SCN4A: variants seen among roughly 807,000 people sequenced by gnomAD.
SCN4A encodes the protein sodium channel protein type 4 subunit alpha.
A neutral mutation model predicts 162.0 loss-of-function variants in SCN4A; 83 were observed. That is an observed-to-expected ratio of 0.51 (90% confidence interval 0.43 to 0.61). The LOEUF is 0.61. Ranked by LOEUF, SCN4A falls within the 20% of genes least tolerant of loss-of-function variation. The pLI, the probability that SCN4A is intolerant of heterozygous loss-of-function variation, is 0.00. For synonymous variants in SCN4A, 944 were observed against 985.1 expected, an observed-to-expected ratio of 0.96 and a Z score of 0.78; for missense variants, 2,196 against 2,462.5, an observed-to-expected ratio of 0.89 and a Z score of 2.29.
Position 63,951,679 on chromosome 17 carries a change from C to G in SCN4A, c.2598G>C (p.Glu866Asp). ...LSLGEADGAG[E>D]AGEAGETAPE... ...GGGCAGTCTCCCCCGCCTCTCCAGC[C>G]TCCCCGGCCCCGTCAGCCTCCCCGA... Residue 866 changes from glutamate to aspartate, a missense_variant, in exon 14 of 24, where the codon GAG (glutamate) becomes GAC (aspartate). Physicochemically the swap from Glu to Asp is conservative, Grantham distance 45. Coordinates refer to ENST00000435607, the MANE Select transcript of SCN4A (RefSeq NM_000334.4). The surrounding 1 kb of genome is among the most constrained non-coding windows in gnomAD (Gnocchi z 4.5). 6.2e-7 allele frequency: 1 copy of G among 1,604,866 alleles called. No individual in the cohort carries two copies. Among genetic ancestry groups the G allele is most frequent in the Non-Finnish European group, 8.5e-7 (1 of 1,175,456 alleles).
intron 17 of SCN4A, 131 bp from the exon 18 acceptor site, chr17:63,947,298 C>T (rs1263995436): frequency 1.7e-6 from 2 of 1,173,858 alleles, no homozygotes; most frequent in Non-Finnish European, 2.5e-6. Flanking sequence ...GTGGGTGGTC[C>T]TGTCCGGTGG....
In SCN4A at chr17:63,941,216, C is replaced by T; in HGVS notation, c.5066G>A (p.Gly1689Asp). ...GAGGGCGTCCATTTCCCCAGAGTCA[C>T]CCAGGACCTCTTTGGTCAGGGCAAA... ...ILFALTKEVL[G>D]DSGEMDALKQ... The change falls in exon 24 of 24, where the codon GGT becomes GAT. Residue 1689 changes from glycine (G) to aspartate (D), a missense_variant. Physicochemically the swap from Gly to Asp is moderately conservative, Grantham distance 94. Coordinates refer to ENST00000435607, the MANE Select transcript of SCN4A (RefSeq NM_000334.4). The surrounding 1 kb of genome is among the most constrained non-coding windows in gnomAD (Gnocchi z 6.2). The T allele has an allele frequency of 6.2e-7, 1 of 1,613,812 alleles. No individual in the cohort carries two copies. The highest frequency in any genetic ancestry group is 8.5e-7 in the Non-Finnish European group (1 of 1,179,838).
chr17:63,967,149 GC>G (rs1442920642), intron 6 of SCN4A, among the ~76,000 whole-genome samples: 2 of 151,790 alleles, frequency 1.3e-5, no homozygotes, highest in African/African-American at 4.8e-5. Context: ...CATAGTGAGA[GC>G]TTTAGGATTT....
At position 63,941,930 on chromosome 17, in the gene SCN4A, C is replaced by T. The variant is rs748517635; in HGVS notation, c.4352G>A (p.Arg1451His). The stretch of plus-strand genomic sequence containing the variant: ...CAGGACACGCCCAATCCGCGCCAGG[C>T]GGATCACACGGAACAGCGTGGGTGA... Reference protein sequence around the residue: ...FVSPTLFRVIRLARIGRVLRL... With the variant: ...FVSPTLFRVIHLARIGRVLRL... The change falls in exon 24 of 24, where the codon CGC (arginine) becomes CAC (histidine). Residue 1451 changes from arginine (R) to histidine (H), a missense_variant. Coordinates refer to ENST00000435607, the MANE Select transcript of SCN4A (RefSeq NM_000334.4). This position sits in a 1 kb window ranked among gnomAD's most constrained non-coding sequence, Gnocchi z 6.2. 1.2e-6 allele frequency: 2 copies of T among 1,608,578 alleles called. No homozygotes were observed. The highest frequency in any genetic ancestry group is 1.1e-5 in the South Asian group (1 of 90,858).
In SCN4A at chr17:63,941,725, G is replaced by C. The variant is rs931435454; in HGVS notation, c.4557C>G (p.Phe1519Leu). Residue 1519 changes from phenylalanine (F) to leucine (L), a missense_variant, in exon 24 of 24, where the codon TTC becomes TTG. Transcript: ENST00000435607. The surrounding 1 kb of genome is among the most constrained non-coding windows in gnomAD (Gnocchi z 6.2). ...AGATGATGCTGTTGCCGAAGGTCTC[G>C]AAGTTGAACATATCATCGATGCCCG... Reference protein sequence around the residue: ...KESGIDDMFNFETFGNSIICL... With the variant: ...KESGIDDMFNLETFGNSIICL... 1.2e-6 allele frequency: 2 copies of C among 1,614,152 alleles called. No homozygotes were observed.
intron 18 of SCN4A, 36 bp downstream of exon 18, chr17:63,947,009 T>G: frequency 1.4e-6 from 1 of 716,374 alleles, no homozygotes; most frequent in Non-Finnish European, 2.4e-6. Flanking sequence ...CGGTCCCCCA[T>G]CCCCAGCCCA....
rs1188813600 is a variant in SCN4A, at chr17:63,944,403, C to T, written c.3912+270G>A. Among the ~76,000 whole-genome samples, 3 of 152,178 alleles carry T rather than the reference C, an allele frequency of 2.0e-5. No individual in the cohort carries two copies. The highest frequency in any genetic ancestry group is 3.2e-3 in the Middle Eastern group (1 of 316). On this transcript the variant is annotated intron_variant, in intron 21 of 23. Coordinates refer to ENST00000435607, the MANE Select transcript of SCN4A (RefSeq NM_000334.4). This position sits in a 1 kb window ranked among gnomAD's most constrained non-coding sequence, Gnocchi z 4.3. ...ACTCCTGACCTTGTGATCCGCCCGC[C>T]TCGGCCTCCCAAAGTGCTGGGATTA...
rs1210921363 is a variant in SCN4A at position 63,947,979 on chromosome 17, T to C, written c.3229A>G (p.Ile1077Val). ...ACCCATTTGAGCAGCATCTCCATGA[T>C]GAAGATGTAGGTGAAGACCTTGTCG... is the stretch of plus-strand genomic sequence containing the variant. ...YADKVFTYIF[I>V]MEMLLKWVAY... Residue 1077 changes from isoleucine to valine, a missense_variant, in exon 17 of 24, where the codon ATC (isoleucine) becomes GTC (valine). By Grantham distance (29) the Ile-to-Val change is conservative. Transcript: ENST00000435607. 1 of 1,614,012 alleles carries C rather than the reference T, an allele frequency of 6.2e-7. No individual in the cohort carries two copies. The highest frequency in any genetic ancestry group is 8.5e-7 in the Non-Finnish European group (1 of 1,179,914).
intron 13 of SCN4A, among the ~76,000 whole-genome samples, chr17:63,956,000 C>T (rs1038549432): frequency 6.6e-6 from 1 of 152,228 alleles, no homozygotes; most frequent in Admixed American, 6.5e-5. Flanking sequence ...CTGGGCACAG[C>T]ACTGCAGGGC....
rs777130479 is a variant in SCN4A at position 63,971,797 on chromosome 17, C to T, written c.536G>A (p.Arg179Gln). 27 of 1,613,456 alleles carry T rather than the reference C, an allele frequency of 1.7e-5. No individual in the cohort carries two copies. Among genetic ancestry groups the T allele is most frequent in the Admixed American group, 3.3e-5 (2 of 59,928 alleles). ...TFESLIKILA[R>Q]GFCVDDFTFL... ...TGTGAAGTCGTCGACACAGAAGCCT[C>T]GGGCCAGTATCTTGATGAGGGACTC... The change falls in exon 4 of 24, where the codon CGA (arginine) becomes CAA (glutamine). Residue 179 changes from arginine (R) to glutamine (Q), a missense_variant. Transcript: ENST00000435607.
chr17:63,951,930 A>T lies in SCN4A; in HGVS notation c.2377-30T>A, dbSNP rs908025517. ...GGCATGGGGTCAGGGGGAGCCTCAC[A>T]TCAGTCCCCGGGACCCAGAGGGTGC... On this transcript the variant is annotated intron_variant, in intron 13 of 23. Coordinates refer to ENST00000435607, the MANE Select transcript of SCN4A (RefSeq NM_000334.4). The surrounding 1 kb of genome is among the most constrained non-coding windows in gnomAD (Gnocchi z 4.5). 28 of 1,421,066 alleles carry T rather than the reference A, an allele frequency of 2.0e-5. No homozygotes were observed. Among genetic ancestry groups the T allele is most frequent in the Non-Finnish European group, 2.3e-5 (24 of 1,059,248 alleles). The allele number at this position is 1,421,066 out of a possible 1,614,324, so 88.0% of individuals were successfully genotyped here. A position where few individuals can be genotyped will look rare whatever the true frequency, so the allele number is the denominator to read the frequency against.
rs370289618 is a variant in SCN4A, at chr17:63,968,218, C to T, written c.841G>A (p.Val281Met). The T allele has an allele frequency of 1.5e-5, 24 of 1,614,048 alleles. No individual in the cohort carries two copies. Among genetic ancestry groups the T allele is most frequent in the Admixed American group, 1.0e-4 (6 of 60,030 alleles). The change falls in exon 6 of 24, where the codon GTG becomes ATG. Residue 281 changes from valine (V) to methionine (M), a missense_variant. Val to Met is a conservative substitution (Grantham distance 21). Transcript: ENST00000435607. ...TCGTTGAACGGCGGGGGCCAGCGCA[C>T]ACACTTCTGCCTCAGGTTTCCCATG... The part of the protein sequence containing the change: ...LFMGNLRQKC[V>M]RWPPPFNDTN...
At chr17:63,959,795 T>A (rs1384401119) in intron 11 of SCN4A, among the ~76,000 whole-genome samples, 1 of 152,168 alleles carries the variant, frequency 6.6e-6, no homozygotes, top group East Asian at 1.9e-4. Flanking sequence ...TCCTGATCTC[T>A]ACAATGTTGG....
At position 63,968,214 on chromosome 17, in the gene SCN4A, C is replaced by A. The variant is rs200615763; in HGVS notation, c.845G>T (p.Arg282Leu). The change falls in exon 6 of 24, where the codon CGC becomes CTC. Residue 282 changes from arginine to leucine, a missense_variant. Coordinates refer to ENST00000435607, the MANE Select transcript of SCN4A (RefSeq NM_000334.4). ...FMGNLRQKCV[R>L]WPPPFNDTNT... ...GGTGTCGTTGAACGGCGGGGGCCAG[C>A]GCACACACTTCTGCCTCAGGTTTCC... is the stretch of plus-strand genomic sequence containing the variant. The A allele has an allele frequency of 6.2e-7, 1 of 1,613,884 alleles. No homozygotes were observed. The highest frequency in any genetic ancestry group is 8.5e-7 in the Non-Finnish European group (1 of 1,179,900).
At position 63,953,693 on chromosome 17, in the gene SCN4A, A is replaced by G. The variant is rs563320494; in HGVS notation, c.2377-1793T>C. Among the ~76,000 whole-genome samples, 592 of 151,854 alleles carry G rather than the reference A, an allele frequency of 3.9e-3. 8 individuals are homozygous for G. The highest frequency in any genetic ancestry group is 0.013 in the African/African-American group (556 of 41,346). ...CGAGACCCTGCCTTGAAGAAAAAAA[A>G]AAAAAGAAAAAGAAAAAGAAAGAAA... On this transcript the variant is annotated intron_variant, in intron 13 of 23. Coordinates refer to ENST00000435607, the MANE Select transcript of SCN4A (RefSeq NM_000334.4).
rs775422294 is a variant in SCN4A, at chr17:63,963,793, C to T, written c.1485G>A (p.Glu495=). Residue 495 remains glutamate, a synonymous_variant, in exon 10 of 24, where the codon GAG becomes GAA. Transcript: ENST00000435607. ...AKAAQALEGG[E]ADGDPAHGKD... is the part of the protein sequence containing the mutation. ...TGCCATGGGCTGGGTCCCCATCTGCCTCCCCACCTTCCAGAGCTTGGGCGG... is the reference window on the plus strand; with the variant it reads ...TGCCATGGGCTGGGTCCCCATCTGCTTCCCCACCTTCCAGAGCTTGGGCGG... 10 of 1,606,408 alleles carry T rather than the reference C, an allele frequency of 6.2e-6. No individual in the cohort carries two copies. The East Asian group carries it at 1.6e-4, about 25-fold the overall frequency.
intron 6 of SCN4A, 137 bp from the exon 7 acceptor site, chr17:63,966,681 C>A: frequency 1.5e-6 from 1 of 676,466 alleles, no homozygotes; most frequent in Non-Finnish European, 2.6e-6. Context: ...TGCCTCTTCC[C>A]CGTCCTTTAA....
chr17:63,957,565 C>T, intron 12 of SCN4A, 47 bp from the exon 13 acceptor site: 1 of 1,315,050 alleles, frequency 7.6e-7, no homozygotes. Flanking sequence ...GGGACCACCA[C>T]CCAAGGCAGC....
In SCN4A at chr17:63,947,883, G is replaced by C. The variant is rs763556510; in HGVS notation, c.3318+7C>G. The C allele has an allele frequency of 2.5e-6, 4 of 1,612,906 alleles. No individual in the cohort carries two copies. The highest frequency in any genetic ancestry group is 2.5e-6 in the Non-Finnish European group (3 of 1,179,294). ...TGTAGCTACGGGGCCAGCGTGGGGG[G>C]ACTCACATCCACGATGAGGAAGTCG... On this transcript the variant is annotated splice_region_variant and intron_variant, in intron 17 of 23. Transcript: ENST00000435607.
Sources: allele counts gnomAD v4.1 joint callset (sites outside exome capture counted in the v4.1 genomes callset), GRCh38; gene constraint gnomAD v4.1.1; non-coding constraint Gnocchi (gnomAD v3.1); transcripts MANE v1.5; gene names NCBI Gene and HGNC (gene_info 2026-07-23, HGNC 2026-07-21).